Variants in TSHZ3 observed in about 807,000 individuals in gnomAD.
The protein encoded by TSHZ3 is teashirt homolog 3.
In TSHZ3, 10 loss-of-function variants were observed where a neutral mutation model predicts 64.5. The ratio of observed to expected loss-of-function variants is 0.16; its 90% CI spans 0.10 to 0.26. The LOEUF (loss-of-function observed/expected upper bound fraction) is 0.26, where lower values mean the gene tolerates loss of function less well. Among genes scored for constraint, TSHZ3 ranks in the 10% least tolerant of loss-of-function variants. The probability of loss-of-function intolerance (pLI) is 1.00; values close to 1 mark genes in which losing one functional copy is unlikely to be tolerated. For synonymous variants in TSHZ3, 608 were observed against 593.1 expected (o/e 1.03, Z -0.36); for missense variants, 1,242 against 1,421.7 (o/e 0.87, Z 2.03).
chr19:31,217,330 G>A (rs1314672969), intron 4 of TSHZ3, among the ~76,000 whole-genome samples: 1 of 152,188 alleles, frequency 6.6e-6, no homozygotes, highest in Non-Finnish European at 1.5e-5. Flanking sequence ...GGGGGAGATG[G>A]AGCAGATGAG....
intron 5 of TSHZ3, among the ~76,000 whole-genome samples, chr19:31,183,181 T>C (rs185089402): frequency 8.5e-5 from 5 of 59,064 alleles, no homozygotes; most frequent in African/African-American, 2.5e-4. Flanking sequence ...TATGAGATTC[T>C]CTCTCTCTCT....
intron 5 of TSHZ3, among the ~76,000 whole-genome samples, chr19:31,160,088 C>T (rs149276606): frequency 3.3e-5 from 5 of 152,180 alleles, no homozygotes; most frequent in African/African-American, 9.7e-5. Flanking sequence ...ATGGGCCAGG[C>T]CTTGTGTTTA....
chr19:31,279,031 C>A lies in TSHZ3; in HGVS notation c.762G>T (p.Trp254Cys), dbSNP rs1976308762. 1 of 1,613,910 alleles carries A rather than the reference C, an allele frequency of 6.2e-7. No homozygotes were observed. The highest frequency in any genetic ancestry group is 1.3e-5 in the African/African-American group (1 of 74,916). Residue 254 changes from tryptophan to cysteine, a missense_variant, in exon 2 of 2, where the codon TGG becomes TGT. Physicochemically the swap from Trp to Cys is radical, Grantham distance 215 (BLOSUM62 -2). Coordinates refer to ENST00000240587, the MANE Select transcript of TSHZ3 (RefSeq NM_020856.4). The surrounding 1 kb of genome is among the most constrained non-coding windows in gnomAD (Gnocchi z 6.4). The stretch of plus-strand genomic sequence containing the variant: ...GCAAGGAGCGTTTGCGAGGCTTGGA[C>A]CAGCGCTTGGGGTTGTTGTTATCGG... ...HETDNNNPKR[W>C]SKPRKRSLLE... is the part of the protein sequence containing the mutation.
In TSHZ3 at chr19:31,348,868, G is replaced by A. The variant is rs2021603369; in HGVS notation, c.40+312C>T. 3 of 327,356 alleles carry A rather than the reference G, an allele frequency of 9.2e-6. 1 individual carries two copies. Among genetic ancestry groups the A allele is most frequent in the Admixed American group, 1.0e-4 (2 of 20,052 alleles). 20.3% of individuals were successfully genotyped at this position (327,356 alleles called of 1,614,324 possible). A position where few individuals can be genotyped will look rare whatever the true frequency, so the allele number is the denominator to read the frequency against. ...ACCCCGCCCGCCACCCACAGAAAGA[G>A]CCAGGCCGGGGTTGCTTCCCATTCC... is the stretch of plus-strand genomic sequence containing the variant. On this transcript the variant is annotated intron_variant, in intron 1 of 1. Coordinates refer to ENST00000240587, the MANE Select transcript of TSHZ3 (RefSeq NM_020856.4).
intron 1 of TSHZ3, among the ~76,000 whole-genome samples, chr19:31,307,512 G>C: frequency 6.6e-6 from 1 of 151,376 alleles, no homozygotes; most frequent in African/African-American, 2.5e-5. Flanking sequence ...CGGGGCTGGT[G>C]TTCCATTAGG....
At chr19:31,299,577 T>A (rs1976720276) in intron 1 of TSHZ3, among the ~76,000 whole-genome samples, 1 of 152,146 alleles carries the variant, frequency 6.6e-6, no homozygotes, top group Admixed American at 6.5e-5. Flanking sequence ...GAACACCCTG[T>A]GACAAGGTTA....
intron 1 of TSHZ3, among the ~76,000 whole-genome samples, chr19:31,257,796 C>T (rs1024178832): frequency 6.6e-6 from 1 of 152,164 alleles, no homozygotes; most frequent in Admixed American, 6.5e-5. Flanking sequence ...GCAGAGTGGT[C>T]CCTATAAAAA....
At chr19:31,350,342 G>A (rs945816478), upstream of TSHZ3, among the ~76,000 whole-genome samples, 6 of 151,842 alleles carry the variant, frequency 4.0e-5, no homozygotes, top group African/African-American at 1.4e-4. Context: ...GCCCGTCCCG[G>A]GGGTCGGTGT....
At chr19:31,150,653 A>G (rs1285384021) in exon 7 of TSHZ3, among the ~76,000 whole-genome samples, 1 of 152,170 alleles carries the variant, frequency 6.6e-6, no homozygotes, top group African/African-American at 2.4e-5. Flanking sequence ...TTTGCAGCAC[A>G]TATTTCAGGC....
intron 3 of TSHZ3, among the ~76,000 whole-genome samples, chr19:31,231,282 C>T (rs1472597363): frequency 2.0e-5 from 3 of 152,138 alleles, no homozygotes; most frequent in Non-Finnish European, 4.4e-5. Context: ...GATTCTCCCA[C>T]ACTTTCAGCT....
intron 1 of TSHZ3, among the ~76,000 whole-genome samples, chr19:31,325,082 C>G (rs1385001829): frequency 1.3e-5 from 2 of 152,226 alleles, no homozygotes; most frequent in Non-Finnish European, 2.9e-5. Flanking sequence ...AGCCAGCCAC[C>G]TCCGCTGTGC....
chr19:31,175,355 G>C (rs560767523), intron 5 of TSHZ3, among the ~76,000 whole-genome samples: 6 of 152,330 alleles, frequency 3.9e-5, no homozygotes, highest in Non-Finnish European at 5.9e-5. Flanking sequence ...CATAAATCTT[G>C]CTAAAACTGT....
At chr19:31,296,079 A>T (rs780648424) in intron 1 of TSHZ3, among the ~76,000 whole-genome samples, 1 of 151,454 alleles carries the variant, frequency 6.6e-6, no homozygotes, top group African/African-American at 2.4e-5. Flanking sequence ...AAGGTAGGAA[A>T]AGAAAATAAG....
chr19:31,159,062 T>C (rs896312558), intron 5 of TSHZ3, among the ~76,000 whole-genome samples: 97 of 152,162 alleles, frequency 6.4e-4, no homozygotes, highest in African/African-American at 2.2e-3. Flanking sequence ...TGCAGTGGCG[T>C]GATCTCAGCT....
chr19:31,235,917 T>C (rs1469102544), intron 3 of TSHZ3, among the ~76,000 whole-genome samples: 2 of 151,988 alleles, frequency 1.3e-5, no homozygotes, highest in Non-Finnish European at 2.9e-5. Context: ...GGTTTCACCA[T>C]GTTGGCCAGG....
chr19:31,259,481 G>T (rs1568361956), intron 1 of TSHZ3, among the ~76,000 whole-genome samples: 1 of 152,012 alleles, frequency 6.6e-6, no homozygotes, highest in Non-Finnish European at 1.5e-5. Flanking sequence ...GTCCAGGTAG[G>T]GTCCAGTCGA....
At chr19:31,178,247 A>G (rs144893512) in intron 5 of TSHZ3, among the ~76,000 whole-genome samples, 2 of 152,318 alleles carry the variant, frequency 1.3e-5, no homozygotes, top group African/African-American at 4.8e-5. Flanking sequence ...GTTTGCAGAG[A>G]GAGCTGTCAG....
chr19:31,292,599 A>C (rs1176219883), intron 1 of TSHZ3, among the ~76,000 whole-genome samples: 1 of 152,146 alleles, frequency 6.6e-6, no homozygotes, highest in East Asian at 1.9e-4. Context: ...AAGACGAAGC[A>C]ACTGATTCAC....
chr19:31,349,011 G>T, intron 1 of TSHZ3, 169 bp downstream of exon 1: 1 of 804,474 alleles, frequency 1.2e-6, no homozygotes, highest in Non-Finnish European at 1.8e-6. Context: ...CGTCCGGGGG[G>T]CGCCCGGTAC....
Sources: allele counts gnomAD v4.1 joint callset (sites outside exome capture counted in the v4.1 genomes callset), GRCh38; gene constraint gnomAD v4.1.1; non-coding constraint Gnocchi (gnomAD v3.1); transcripts MANE v1.5; gene names NCBI Gene and HGNC (gene_info 2026-07-23, HGNC 2026-07-21).